Variants in ASIC2 observed in about 807,000 individuals in gnomAD.
The protein encoded by ASIC2 is acid-sensing ion channel 2.
A neutral mutation model predicts 57.3 loss-of-function variants in ASIC2; 25 were observed. The observed-to-expected ratio is 0.44, with a 90% CI of 0.32 to 0.61. ASIC2 has a LOEUF of 0.61. ASIC2 is among the 20% of genes least tolerant of loss of function. The pLI, the probability that ASIC2 is intolerant of heterozygous loss-of-function variation, is 0.06. For missense variants in ASIC2, 641 were observed against 738.1 expected, an observed-to-expected ratio of 0.87 and a Z score of 1.52; for synonymous variants, 319 against 307.5, an observed-to-expected ratio of 1.04 and a Z score of -0.39.
chr17:33,702,894 T>G (rs1055998634), intron 1 of ASIC2, among the ~76,000 whole-genome samples: 7 of 152,156 alleles, frequency 4.6e-5, no homozygotes, highest in African/African-American at 1.2e-4. Flanking sequence ...CTAGGGGCAT[T>G]AGGTTCCTGC....
chr17:34,135,501 T>C (rs950808696), intron 1 of ASIC2, among the ~76,000 whole-genome samples: 2 of 152,226 alleles, frequency 1.3e-5, no homozygotes, highest in African/African-American at 4.8e-5. Flanking sequence ...AAAGTCCTGA[T>C]GCCTGGACAT....
chr17:34,132,933 A>G (rs1421509810), intron 1 of ASIC2, among the ~76,000 whole-genome samples: 2 of 152,196 alleles, frequency 1.3e-5, no homozygotes, highest in Non-Finnish European at 2.9e-5. Flanking sequence ...AGTCTCCTCC[A>G]CAGAGGGACC....
chr17:34,105,141 T>C (rs888969460), intron 1 of ASIC2, among the ~76,000 whole-genome samples: 2 of 152,098 alleles, frequency 1.3e-5, no homozygotes, highest in African/African-American at 4.8e-5. Context: ...TCAGAATTTC[T>C]ATATCATCTT....
At chr17:33,305,914 C>T (rs1006763535) in intron 1 of ASIC2, among the ~76,000 whole-genome samples, 1 of 152,154 alleles carries the variant, frequency 6.6e-6, no homozygotes, top group African/African-American at 2.4e-5. Context: ...TAGATAAAAG[C>T]TTCCCTATAG....
At chr17:33,320,846 A>G (rs1906841043) in intron 1 of ASIC2, among the ~76,000 whole-genome samples, 1 of 152,086 alleles carries the variant, frequency 6.6e-6, no homozygotes, top group African/African-American at 2.4e-5. Flanking sequence ...CTGCACTCTT[A>G]TAACTGATTT....
intron 1 of ASIC2, among the ~76,000 whole-genome samples, chr17:33,539,155 G>T (rs1457920971): frequency 6.6e-6 from 1 of 152,212 alleles, no homozygotes; most frequent in East Asian, 1.9e-4. Context: ...GATGGAGCCT[G>T]CAGTGCCCCC....
chr17:33,780,236 G>C (rs2142127828), intron 1 of ASIC2, among the ~76,000 whole-genome samples: 1 of 152,230 alleles, frequency 6.6e-6, no homozygotes, highest in South Asian at 2.1e-4. Context: ...TTCCCAAAGT[G>C]CTGGGATTAC....
chr17:33,932,666 T>C (rs951740253), intron 1 of ASIC2: 7 of 118,048 alleles, frequency 5.9e-5, no homozygotes, highest in African/African-American at 2.3e-4. Flanking sequence ...TGAGCCAAGA[T>C]CATACCATTG....
intron 1 of ASIC2, among the ~76,000 whole-genome samples, chr17:33,683,254 G>A (rs999411629): frequency 2.0e-5 from 3 of 152,218 alleles, no homozygotes; most frequent in East Asian, 1.9e-4. Context: ...TTTTAGTAGA[G>A]ATGGGGTTTC....
At chr17:34,086,025 T>A (rs1375970903) in intron 1 of ASIC2, among the ~76,000 whole-genome samples, 2 of 151,834 alleles carry the variant, frequency 1.3e-5, no homozygotes, top group Non-Finnish European at 2.9e-5. Context: ...GGGTTTTTTG[T>A]GTCTCTGTTT....
At chr17:33,179,320 T>C (rs1339375320) in intron 1 of ASIC2, among the ~76,000 whole-genome samples, 1 of 152,140 alleles carries the variant, frequency 6.6e-6, no homozygotes, top group Non-Finnish European at 1.5e-5. Context: ...ACAAAATAAC[T>C]GTTAAATTAA....
At chr17:33,841,374 T>C (rs1232058482) in intron 1 of ASIC2, among the ~76,000 whole-genome samples, 1 of 152,222 alleles carries the variant, frequency 6.6e-6, no homozygotes, top group East Asian at 1.9e-4. Context: ...GTTTAATTTT[T>C]TTTTTCAATA....
At chr17:33,573,232 TG>T (rs1916507531) in intron 1 of ASIC2, among the ~76,000 whole-genome samples, 1 of 152,238 alleles carries the variant, frequency 6.6e-6, no homozygotes, top group Admixed American at 6.5e-5. Flanking sequence ...TGCTCCAACC[TG>T]TGTTAAAGGG....
At chr17:33,399,779 G>A (rs542700275) in intron 1 of ASIC2, among the ~76,000 whole-genome samples, 10 of 152,312 alleles carry the variant, frequency 6.6e-5, no homozygotes, top group South Asian at 2.1e-4. Context: ...TAAAAGGAGC[G>A]TGTGTGTGTT....
intron 1 of ASIC2, among the ~76,000 whole-genome samples, chr17:33,952,016 C>T (rs773474387): frequency 2.6e-5 from 4 of 152,118 alleles, no homozygotes; most frequent in Non-Finnish European, 1.5e-5. Flanking sequence ...AAATTGCATA[C>T]ATATAGTAAA....
chr17:33,768,132 C>T (rs1180976731), intron 1 of ASIC2, among the ~76,000 whole-genome samples: 1 of 152,118 alleles, frequency 6.6e-6, no homozygotes, highest in African/African-American at 2.4e-5. Context: ...CCTCAGCCTC[C>T]CCAGCAGCTG....
chr17:33,371,104 A>G (rs144029157), intron 1 of ASIC2, among the ~76,000 whole-genome samples: 43 of 152,352 alleles, frequency 2.8e-4, no homozygotes, highest in African/African-American at 8.9e-4. Flanking sequence ...CTTTATTACT[A>G]TATTTTGCAA....
At chr17:33,346,253 AAG>A (rs1555600204) in intron 1 of ASIC2, among the ~76,000 whole-genome samples, 1 of 127,904 alleles carries the variant, frequency 7.8e-6, no homozygotes, top group African/African-American at 2.8e-5. Flanking sequence ...AAAAAAAAAA[AAG>A]AGAGAGAGAG....
intron 1 of ASIC2, among the ~76,000 whole-genome samples, chr17:33,750,124 G>C (rs563307569): frequency 6.6e-6 from 1 of 152,220 alleles, no homozygotes; most frequent in East Asian, 1.9e-4. Context: ...AGGGAATGTT[G>C]TTGTGATGTG....
Sources: gnomAD v4.1 joint callset for allele counts (sites outside exome capture counted in the v4.1 genomes callset) on GRCh38, gnomAD v4.1.1 for gene constraint, MANE v1.5 for transcripts, NCBI Gene and HGNC (gene_info 2026-07-23, HGNC 2026-07-21) for gene names.